The following TMEM131 variants were observed in gnomAD, a reference collection of about 807,000 sequenced individuals.
TMEM131 encodes transmembrane protein 131, also known as 2610524E03Rik.
A neutral mutation model predicts 211.6 loss-of-function variants in TMEM131; 66 were observed. That is an observed-to-expected ratio of 0.31 (90% CI 0.26 to 0.38). TMEM131 has a LOEUF of 0.38. TMEM131 is among the 10% of genes least tolerant of loss of function. The pLI, the probability that TMEM131 is intolerant of heterozygous loss-of-function variation, is 1.00. For synonymous variants in TMEM131, 844 were observed against 841.3 expected (o/e 1.00, Z -0.06); for missense variants, 2,036 against 2,299.3 (o/e 0.89, Z 2.34).
intron 5 of TMEM131, among the ~76,000 whole-genome samples, chr2:97,852,813 C>T (rs1673681340): frequency 6.6e-6 from 1 of 152,210 alleles, no homozygotes; most frequent in Non-Finnish European, 1.5e-5. Flanking sequence ...CAGGCTGACT[C>T]TCTCTTATTA....
At chr2:97,807,622 G>A (rs568269537) in intron 19 of TMEM131, among the ~76,000 whole-genome samples, 2 of 152,276 alleles carry the variant, frequency 1.3e-5, no homozygotes, top group African/African-American at 2.4e-5. Flanking sequence ...CAGCCTCAGG[G>A]ATTCCTTTAT....
At chr2:97,841,962 C>T (rs773944126) in intron 6 of TMEM131, 25 bp from the exon 7 acceptor site, 2 of 1,489,728 alleles carry the variant, frequency 1.3e-6, no homozygotes, top group South Asian at 2.7e-5. Context: ...GAAAAAAATG[C>T]AATTTTAGTT....
intron 1 of TMEM131, among the ~76,000 whole-genome samples, chr2:97,969,284 G>A (rs1287694706): frequency 3.9e-5 from 6 of 152,006 alleles, no homozygotes; most frequent in African/African-American, 1.2e-4. Context: ...TAATGATAGG[G>A]GCAGGGTAAG....
chr2:97,847,070 TGGGGGG>T lies in TMEM131; in HGVS notation c.484-2815_484-2810del, dbSNP rs70938540. Among the ~76,000 whole-genome samples the T allele has an allele frequency of 1.6e-3, 37 of 23,030 alleles. 5 individuals carry two copies. The highest frequency in any genetic ancestry group is 0.031 in the Middle Eastern group (1 of 32). The allele number at this position is 23,030 out of a possible 152,430, so 15.1% of individuals were successfully genotyped here. ...GGCGCGTGCCTGTAGTCCCAGCTAC[TGGGGGG>T]GGGGGGGGGGGCCGAGGCAGGAGAG... On this transcript the variant is annotated intron_variant, in intron 5 of 40. Transcript: ENST00000186436.
chr2:97,782,963 G>T (rs1297139767), intron 31 of TMEM131, among the ~76,000 whole-genome samples: 3 of 139,314 alleles, frequency 2.2e-5, no homozygotes, highest in Non-Finnish European at 4.6e-5. Context: ...AACCTATATA[G>T]ACTTAAAAAA....
intron 1 of TMEM131, among the ~76,000 whole-genome samples, chr2:97,966,852 T>C (rs866318988): frequency 3.3e-5 from 5 of 152,268 alleles, no homozygotes; most frequent in Middle Eastern, 3.4e-3. Context: ...CAAGCCCATA[T>C]TCCAAGTCAG....
intron 3 of TMEM131, among the ~76,000 whole-genome samples, chr2:97,901,399 A>G (rs1675846636): frequency 6.6e-6 from 1 of 152,116 alleles, no homozygotes; most frequent in Non-Finnish European, 1.5e-5. Context: ...GTATATGGTG[A>G]GAGATAAGAG....
intron 11 of TMEM131, among the ~76,000 whole-genome samples, chr2:97,819,810 C>T (rs752334750): frequency 3.9e-5 from 6 of 152,206 alleles, no homozygotes; most frequent in Admixed American, 1.3e-4. Context: ...GGAGCACAGT[C>T]AGATCCAGCA....
At chr2:97,854,845 C>T (rs894275804) in intron 5 of TMEM131, among the ~76,000 whole-genome samples, 8 of 152,152 alleles carry the variant, frequency 5.3e-5, no homozygotes, top group Non-Finnish European at 1.0e-4. Flanking sequence ...TCCTACCTCA[C>T]GCCCTTCGAG....
chr2:97,770,422 G>C (rs1009492015), intron 33 of TMEM131, among the ~76,000 whole-genome samples: 6 of 152,194 alleles, frequency 3.9e-5, no homozygotes, highest in African/African-American at 1.4e-4. Context: ...CACACGGCTT[G>C]ATTTGTGTTC....
chr2:97,837,074 C>A lies in TMEM131; in HGVS notation c.804+3G>T, dbSNP rs1458184334. On this transcript the variant is annotated splice_donor_region_variant and intron_variant, in intron 8 of 40. Transcript: ENST00000186436. Reference sequence around the variant, plus strand: ...CACAAGAGAAAACTAGGTTACAACTCACCCACAGTTTTCTGGTACCTCCTT... The same window carrying A: ...CACAAGAGAAAACTAGGTTACAACTAACCCACAGTTTTCTGGTACCTCCTT... 2 of 1,612,110 alleles carry A rather than the reference C, an allele frequency of 1.2e-6. No homozygotes were observed. Among genetic ancestry groups the A allele is most frequent in the Non-Finnish European group, 1.7e-6 (2 of 1,178,882 alleles).
chr2:97,864,894 C>T (rs1057095858), intron 4 of TMEM131, among the ~76,000 whole-genome samples: 20 of 152,176 alleles, frequency 1.3e-4, no homozygotes, highest in African/African-American at 3.9e-4. Context: ...GAAAAGCTTG[C>T]CAGGGTAAGG....
intron 3 of TMEM131, among the ~76,000 whole-genome samples, chr2:97,905,937 T>C (rs1051581777): frequency 3.3e-5 from 5 of 152,168 alleles, no homozygotes; most frequent in African/African-American, 9.7e-5. Context: ...CTGGAGGATA[T>C]TGGAGACACC....
intron 33 of TMEM131, among the ~76,000 whole-genome samples, chr2:97,769,667 T>C (rs376462544): frequency 1.1e-4 from 17 of 152,334 alleles, no homozygotes; most frequent in African/African-American, 4.1e-4. Context: ...TGTAAACATA[T>C]ACTGTTGATA....
intron 7 of TMEM131, among the ~76,000 whole-genome samples, chr2:97,840,468 T>G (rs1683145062): frequency 6.6e-6 from 1 of 152,194 alleles, no homozygotes; most frequent in African/African-American, 2.4e-5. Context: ...CACATGCCTG[T>G]CATCTCGGCA....
At chr2:97,947,871 G>A (rs1678116390) in intron 1 of TMEM131, among the ~76,000 whole-genome samples, 1 of 152,124 alleles carries the variant, frequency 6.6e-6, no homozygotes, top group East Asian at 1.9e-4. Context: ...GACTCCAAAA[G>A]TAGACCCCCA....
intron 4 of TMEM131, among the ~76,000 whole-genome samples, chr2:97,871,884 T>C (rs1476647835): frequency 6.6e-6 from 1 of 151,176 alleles, no homozygotes; most frequent in Non-Finnish European, 1.5e-5. Context: ...CAGGTAATTA[T>C]AGGAGTTGCT....
intron 31 of TMEM131, among the ~76,000 whole-genome samples, chr2:97,785,718 A>G (rs1680215808): frequency 6.6e-6 from 1 of 152,242 alleles, no homozygotes; most frequent in East Asian, 1.9e-4. Flanking sequence ...TTGTACACAA[A>G]TATTTGTAGC....
intron 33 of TMEM131, among the ~76,000 whole-genome samples, chr2:97,768,206 C>G (rs1360469560): frequency 6.6e-6 from 1 of 152,164 alleles, no homozygotes; most frequent in East Asian, 1.9e-4. Flanking sequence ...GGTAGGATAA[C>G]AAACTGAAGT....
Sources: allele counts gnomAD v4.1 joint callset (sites outside exome capture counted in the v4.1 genomes callset), GRCh38; gene constraint gnomAD v4.1.1; transcripts MANE v1.5; gene names NCBI Gene and HGNC (gene_info 2026-07-23, HGNC 2026-07-21).